SLC7A9: variants seen among roughly 807,000 people sequenced by gnomAD.
SLC7A9 encodes the protein solute carrier family 7 member 9.
A neutral mutation model predicts 54.1 loss-of-function variants in SLC7A9; 38 were observed. The observed-to-expected ratio is 0.70, with a 90% CI of 0.54 to 0.92. The LOEUF is 0.92. SLC7A9 is among the 40% of genes least tolerant of loss of function. The probability of loss-of-function intolerance (pLI) is 0.00; values close to 1 mark genes in which losing one functional copy is unlikely to be tolerated. For missense variants in SLC7A9, 537 were observed against 636.1 expected (o/e 0.84, Z 1.68); for synonymous variants, 264 against 258.9 (o/e 1.02, Z -0.19).
rs145324919 is a variant in SLC7A9, at chr19:32,841,885, C to T, written c.1224+283G>A. 5.8e-3 allele frequency among the ~76,000 whole-genome samples: 885 copies of T among 152,220 alleles called. 7 individuals are homozygous for T. The highest frequency in any genetic ancestry group is 0.019 in the African/African-American group (790 of 41,536). ...ATGCGCCACTGCACTCCAGCCCAGGCGACAAAGTGAGACTCTGCCTCAAAA... is the reference window on the plus strand; with the variant it reads ...ATGCGCCACTGCACTCCAGCCCAGGTGACAAAGTGAGACTCTGCCTCAAAA... On this transcript the variant is annotated intron_variant, in intron 11 of 12. Coordinates refer to ENST00000023064, the MANE Select transcript of SLC7A9 (RefSeq NM_014270.5).
chr19:32,844,853 A>C, intron 9 of SLC7A9, among the ~76,000 whole-genome samples: 1 of 87,734 alleles, frequency 1.1e-5, no homozygotes, highest in Non-Finnish European at 2.1e-5. Flanking sequence ...GTGAGAATCC[A>C]TCTCAAAAAA....
rs1968897258 is a variant in SLC7A9, at chr19:32,864,311, G to A, written c.263C>T (p.Thr88Ile). Residue 88 changes from threonine (T) to isoleucine (I), a missense_variant, in exon 4 of 13, where the codon ACA (threonine) becomes ATA (isoleucine). By Grantham distance (89) the Thr-to-Ile change is moderately conservative. Coordinates refer to ENST00000023064, the MANE Select transcript of SLC7A9 (RefSeq NM_014270.5). ...LGALCFAELG[T>I]MITKSGGEYP... ...CTCTCCCCCTGACTTGGTGATCATT[G>A]TGCCAAGCTCCGCAAAGCACAGGGC... The A allele has an allele frequency of 6.2e-7, 1 of 1,614,034 alleles. No homozygotes were observed. Among genetic ancestry groups the A allele is most frequent in the Non-Finnish European group, 8.5e-7 (1 of 1,180,014 alleles).
At chr19:32,838,070 G>A (rs997501179) in intron 11 of SLC7A9, among the ~76,000 whole-genome samples, 2 of 152,168 alleles carry the variant, frequency 1.3e-5, no homozygotes, top group African/African-American at 4.8e-5. Context: ...TGAGGACGCC[G>A]TGCCTGCCTG....
intron 11 of SLC7A9, among the ~76,000 whole-genome samples, chr19:32,839,545 T>TC (rs1412737359): frequency 7.7e-6 from 1 of 130,358 alleles, no homozygotes; most frequent in East Asian, 2.4e-4. Flanking sequence ...AGAGTGACAC[T>TC]CCGTCTCAAA....
intron 11 of SLC7A9, among the ~76,000 whole-genome samples, chr19:32,840,852 T>G (rs991666996): frequency 6.6e-6 from 1 of 152,068 alleles, no homozygotes; most frequent in African/African-American, 2.4e-5. Context: ...GGTGCTGGAG[T>G]CCAGTGGGGC....
chr19:32,834,701 ATTCTC>A (rs1008206944), intron 11 of SLC7A9, among the ~76,000 whole-genome samples: 1 of 152,164 alleles, frequency 6.6e-6, no homozygotes, highest in Non-Finnish European at 1.5e-5. Flanking sequence ...TAATTTTGGT[ATTCTC>A]TTATTAGGAA....
intron 1 of SLC7A9, among the ~76,000 whole-genome samples, chr19:32,868,872 T>G (rs148659140): frequency 8.2e-4 from 124 of 152,140 alleles, no homozygotes; most frequent in Middle Eastern, 3.4e-3. Context: ...ATTCTACCTC[T>G]ATGGTCAACT....
intron 9 of SLC7A9, among the ~76,000 whole-genome samples, chr19:32,852,513 AAATC>A (rs1968498803): frequency 6.6e-6 from 1 of 152,120 alleles, no homozygotes; most frequent in South Asian, 2.1e-4. Flanking sequence ...CAAAAACCCT[AAATC>A]AAGACTTGAT....
chr19:32,852,905 CTTTTTTTT>C (rs56119122), intron 9 of SLC7A9, among the ~76,000 whole-genome samples: 5 of 97,596 alleles, frequency 5.1e-5, no homozygotes, highest in African/African-American at 4.4e-5. Flanking sequence ...AAGCTATAAA[CTTTTTTTT>C]TTTTTTTTTT....
At chr19:32,837,156 G>A (rs1967981853) in intron 11 of SLC7A9, among the ~76,000 whole-genome samples, 1 of 152,038 alleles carries the variant, frequency 6.6e-6, no homozygotes, top group South Asian at 2.1e-4. Flanking sequence ...TTCTATGGAA[G>A]AACCCCCCAG....
At chr19:32,854,841 G>A (rs1324079481) in intron 9 of SLC7A9, among the ~76,000 whole-genome samples, 3 of 152,146 alleles carry the variant, frequency 2.0e-5, no homozygotes, top group African/African-American at 7.2e-5. Context: ...ACCCACCTCG[G>A]CCTCCCAAAG....
chr19:32,856,980 G>A (rs183831482), intron 9 of SLC7A9, among the ~76,000 whole-genome samples: 3 of 152,150 alleles, frequency 2.0e-5, no homozygotes, highest in East Asian at 3.9e-4. Context: ...GTGAAACTCC[G>A]TCTCTACTAA....
intron 9 of SLC7A9, among the ~76,000 whole-genome samples, chr19:32,856,690 G>A (rs1968638390): frequency 6.6e-6 from 1 of 152,046 alleles, no homozygotes; most frequent in African/African-American, 2.4e-5. Flanking sequence ...ACTGCAGCCT[G>A]GAACTTCTGG....
chr19:32,863,064 G>A (rs1204815661), intron 4 of SLC7A9: 1 of 152,664 alleles, frequency 6.6e-6, no homozygotes, highest in Non-Finnish European at 1.5e-5. Context: ...TGGGGTGACA[G>A]ATGTCCCTGC....
chr19:32,855,659 G>A (rs906878394), intron 9 of SLC7A9, among the ~76,000 whole-genome samples: 2 of 151,878 alleles, frequency 1.3e-5, no homozygotes, highest in East Asian at 1.9e-4. Context: ...CCGAGATCAT[G>A]CCACTGCACT....
At chr19:32,855,318 G>A (rs979527520) in intron 9 of SLC7A9, among the ~76,000 whole-genome samples, 2 of 152,076 alleles carry the variant, frequency 1.3e-5, no homozygotes, top group Admixed American at 6.6e-5. Context: ...CTACAAGCCC[G>A]CCTTTCTTCA....
chr19:32,833,421 C>T (rs1484109781), intron 11 of SLC7A9, 98 bp from the exon 12 acceptor site: 1 of 985,418 alleles, frequency 1.0e-6, no homozygotes, highest in East Asian at 2.6e-5. Flanking sequence ...CTCCATGTAC[C>T]CCCTCCTCCA....
Position 32,864,616 on chromosome 19 carries a change from C to A in SLC7A9, c.235+13G>T. On this transcript the variant is annotated intron_variant, in intron 3 of 12. Transcript: ENST00000023064. ...TGCTTCCGGGGCTGCAACAGGCTCC[C>A]AAGTCTCTTTACCCAGCGTCGCGAG... 2.5e-6 allele frequency: 4 copies of A among 1,612,576 alleles called. No individual in the cohort carries two copies. Among genetic ancestry groups the A allele is most frequent in the Non-Finnish European group, 3.4e-6 (4 of 1,179,950 alleles).
intron 7 of SLC7A9, 27 bp from the exon 8 acceptor site, chr19:32,859,991 C>T (rs1299858474): frequency 1.2e-6 from 2 of 1,613,908 alleles, no homozygotes; most frequent in Non-Finnish European, 1.7e-6. Context: ...CACGGAGACC[C>T]ACGTTCAGAC....
Sources: allele counts gnomAD v4.1 joint callset (sites outside exome capture counted in the v4.1 genomes callset), GRCh38; gene constraint gnomAD v4.1.1; transcripts MANE v1.5; gene names NCBI Gene and HGNC (gene_info 2026-07-23, HGNC 2026-07-21).